Variants in LRRC4C observed in about 807,000 individuals in gnomAD.
LRRC4C encodes the protein leucine rich repeat containing 4C.
LRRC4C carries 5 observed loss-of-function variants against 33.6 expected under a neutral mutation model. That is an observed-to-expected ratio of 0.15 (90% CI 0.08 to 0.31). The LOEUF is 0.31. LRRC4C is among the 10% of genes least tolerant of loss of function. The pLI, the probability that LRRC4C is intolerant of heterozygous loss-of-function variation, is 1.00. For synonymous variants in LRRC4C, 329 were observed against 302.0 expected, an observed-to-expected ratio of 1.09 and a Z score of -0.93; for missense variants, 560 against 796.7, an observed-to-expected ratio of 0.70 and a Z score of 3.58.
At chr11:41,137,925 G>A (rs1943335245) in intron 1 of LRRC4C, among the ~76,000 whole-genome samples, 1 of 152,176 alleles carries the variant, frequency 6.6e-6, no homozygotes, top group Non-Finnish European at 1.5e-5. Context: ...TAAGAAAGAA[G>A]GGCTAGATGA....
At chr11:40,779,540 G>C (rs962780905) in intron 2 of LRRC4C, among the ~76,000 whole-genome samples, 1 of 152,082 alleles carries the variant, frequency 6.6e-6, no homozygotes, top group Non-Finnish European at 1.5e-5. Context: ...ATCTTTTCAA[G>C]TTCTTGTTTT....
intron 3 of LRRC4C, among the ~76,000 whole-genome samples, chr11:40,364,427 A>G (rs1014453068): frequency 2.0e-5 from 3 of 152,138 alleles, no homozygotes; most frequent in African/African-American, 2.4e-5. Flanking sequence ...GGTAGTTAAT[A>G]TGTTGTCTCA....
chr11:40,738,652 A>G (rs966758142), intron 2 of LRRC4C, among the ~76,000 whole-genome samples: 1 of 152,144 alleles, frequency 6.6e-6, no homozygotes, highest in African/African-American at 2.4e-5. Context: ...GCTCTCCCCA[A>G]AGTCTTTTAA....
chr11:41,256,908 T>G (rs1423726177), intron 1 of LRRC4C, among the ~76,000 whole-genome samples: 1 of 152,026 alleles, frequency 6.6e-6, no homozygotes, highest in Non-Finnish European at 1.5e-5. Context: ...TCCAGAGGTC[T>G]TCAGACCTAA....
At chr11:40,296,978 C>T (rs1244243276) in intron 4 of LRRC4C, among the ~76,000 whole-genome samples, 1 of 152,170 alleles carries the variant, frequency 6.6e-6, no homozygotes, top group Non-Finnish European at 1.5e-5. Context: ...ATGCAGATTT[C>T]TACTTTTGTT....
chr11:40,432,896 G>C (rs1276260672), intron 3 of LRRC4C, among the ~76,000 whole-genome samples: 1 of 152,084 alleles, frequency 6.6e-6, no homozygotes, highest in African/African-American at 2.4e-5. Context: ...CCAATAAATA[G>C]ACCCAATGTT....
intron 1 of LRRC4C, among the ~76,000 whole-genome samples, chr11:41,304,107 G>C (rs1366717805): frequency 5.5e-5 from 4 of 72,096 alleles, no homozygotes; most frequent in Non-Finnish European, 6.9e-5. Context: ...GCCTCTGCCC[G>C]GCCGCCCCTA....
At chr11:40,733,746 G>A (rs1392033851) in intron 2 of LRRC4C, among the ~76,000 whole-genome samples, 12 of 152,112 alleles carry the variant, frequency 7.9e-5, no homozygotes, top group Admixed American at 7.2e-4. Flanking sequence ...GATCCTAATA[G>A]GGACTTAGTT....
At chr11:40,628,249 A>G (rs1046223693) in intron 3 of LRRC4C, among the ~76,000 whole-genome samples, 2 of 152,110 alleles carry the variant, frequency 1.3e-5, no homozygotes, top group South Asian at 2.1e-4. Flanking sequence ...AGGCCAAGGC[A>G]GGCGGATCAC....
chr11:41,109,997 C>T (rs1941736123), intron 1 of LRRC4C, among the ~76,000 whole-genome samples: 1 of 151,992 alleles, frequency 6.6e-6, no homozygotes, highest in South Asian at 2.1e-4. Flanking sequence ...CAACACCAAC[C>T]TCTTTATGGG....
intron 3 of LRRC4C, among the ~76,000 whole-genome samples, chr11:40,346,965 G>A (rs1263647725): frequency 2.0e-5 from 3 of 152,206 alleles, no homozygotes; most frequent in Non-Finnish European, 4.4e-5. Context: ...AGGATCTGCA[G>A]AATGGTAAAT....
At chr11:40,965,670 G>A (rs949685708) in intron 1 of LRRC4C, among the ~76,000 whole-genome samples, 3 of 152,124 alleles carry the variant, frequency 2.0e-5, no homozygotes, top group Admixed American at 6.6e-5. Context: ...TCAAAGATCA[G>A]ATAGGTGTAG....
At chr11:40,755,133 T>G (rs557779626) in intron 2 of LRRC4C, among the ~76,000 whole-genome samples, 2 of 152,126 alleles carry the variant, frequency 1.3e-5, no homozygotes, top group Non-Finnish European at 2.9e-5. Flanking sequence ...TCATTGCACA[T>G]TTTAGAATCA....
intron 2 of LRRC4C, among the ~76,000 whole-genome samples, chr11:40,759,959 CAACAA>C (rs771959125): frequency 8.0e-4 from 95 of 118,260 alleles, no homozygotes; most frequent in South Asian, 5.0e-3. Flanking sequence ...CAAACAACAA[CAACAA>C]AAAAAAAAAA....
At chr11:41,188,615 T>C (rs1259285987) in intron 1 of LRRC4C, among the ~76,000 whole-genome samples, 5 of 151,692 alleles carry the variant, frequency 3.3e-5, no homozygotes, top group Admixed American at 3.3e-4. Flanking sequence ...CTTATAACAC[T>C]GTCTACTCAT....
chr11:40,672,879 C>CA (rs1189289138), intron 2 of LRRC4C, among the ~76,000 whole-genome samples: 1 of 152,104 alleles, frequency 6.6e-6, no homozygotes, highest in African/African-American at 2.4e-5. Context: ...TTGACTTCTT[C>CA]ACCTTCACGT....
At chr11:41,347,451 C>T (rs1422737181) in intron 1 of LRRC4C, among the ~76,000 whole-genome samples, 1 of 152,094 alleles carries the variant, frequency 6.6e-6, no homozygotes, top group Non-Finnish European at 1.5e-5. Context: ...GTACAAATAC[C>T]ACTTGATCAT....
chr11:41,039,246 C>T (rs949180020), intron 1 of LRRC4C, among the ~76,000 whole-genome samples: 1 of 152,118 alleles, frequency 6.6e-6, no homozygotes, highest in Non-Finnish European at 1.5e-5. Flanking sequence ...CTTCAGAGAA[C>T]TCAGAACACT....
chr11:40,778,516 T>C (rs1950097711), intron 2 of LRRC4C, among the ~76,000 whole-genome samples: 1 of 152,186 alleles, frequency 6.6e-6, no homozygotes, highest in Non-Finnish European at 1.5e-5. Context: ...CTTTAACCTC[T>C]ATACTTTAAT....
Sources: gnomAD v4.1 joint callset for allele counts (sites outside exome capture counted in the v4.1 genomes callset) on GRCh38, gnomAD v4.1.1 for gene constraint, MANE v1.5 for transcripts, NCBI Gene and HGNC (gene_info 2026-07-23, HGNC 2026-07-21) for gene names.